Variants in TENM4 observed in about 807,000 individuals in gnomAD.
The protein encoded by TENM4 is teneurin-4.
In TENM4, 82 loss-of-function variants were observed where a neutral mutation model predicts 243.3. The observed-to-expected ratio is 0.34, with a 90% CI of 0.28 to 0.40. The LOEUF (loss-of-function observed/expected upper bound fraction) is 0.40, where lower values mean the gene tolerates loss of function less well. TENM4 is among the 10% of genes least tolerant of loss of function. The pLI is 1.00. For missense variants in TENM4, 3,138 were observed against 3,673.3 expected (o/e 0.85, Z 3.77); for synonymous variants, 1,412 against 1,456.3 (o/e 0.97, Z 0.69).
intron 7 of TENM4, among the ~76,000 whole-genome samples, chr11:78,899,938 C>A (rs1407272534): frequency 1.3e-5 from 2 of 152,184 alleles, no homozygotes; most frequent in Admixed American, 1.3e-4. Flanking sequence ...TCAGGCATTC[C>A]TTTATAGCAA....
At chr11:79,379,252 C>T (rs1260613230) in intron 1 of TENM4, among the ~76,000 whole-genome samples, 1 of 152,138 alleles carries the variant, frequency 6.6e-6, no homozygotes, top group Non-Finnish European at 1.5e-5. Flanking sequence ...GAGAACAGCA[C>T]AAGGAAAGTC....
intron 1 of TENM4, among the ~76,000 whole-genome samples, chr11:79,313,006 A>C (rs1856747171): frequency 6.6e-6 from 1 of 152,148 alleles, no homozygotes; most frequent in Admixed American, 6.5e-5. Flanking sequence ...GCTTCCAGGA[A>C]ACCCCATCCC....
rs1229675854 is a variant in TENM4, at chr11:78,872,091, G to A, written c.1085-8959C>T. 5.3e-5 allele frequency among the ~76,000 whole-genome samples: 8 copies of A among 152,202 alleles called. No homozygotes were observed. In the East Asian group the frequency reaches 5.8e-4, roughly 11 times the overall value. On this transcript the variant is annotated intron_variant, in intron 9 of 33. Coordinates refer to ENST00000278550, the MANE Select transcript of TENM4 (RefSeq NM_001098816.3). The stretch of plus-strand genomic sequence containing the variant: ...TTTAATTTTCTATCTCTAGAAAACC[G>A]AGGATCCAGAATTGTCTACAATTGT...
At chr11:78,890,484 T>C (rs1424850196) in intron 8 of TENM4, among the ~76,000 whole-genome samples, 1 of 152,236 alleles carries the variant, frequency 6.6e-6, no homozygotes, top group African/African-American at 2.4e-5. Flanking sequence ...CTGTTGCCGG[T>C]GTATCTCAAC....
At chr11:79,015,066 T>C (rs2136771701) in intron 6 of TENM4, among the ~76,000 whole-genome samples, 1 of 152,144 alleles carries the variant, frequency 6.6e-6, no homozygotes, top group Admixed American at 6.5e-5. Flanking sequence ...AACATAAATA[T>C]CTCATTAGGC....
At chr11:78,828,380 A>G (rs1168146190) in intron 12 of TENM4, among the ~76,000 whole-genome samples, 1 of 152,220 alleles carries the variant, frequency 6.6e-6, no homozygotes, top group African/African-American at 2.4e-5. Flanking sequence ...TCTTTTCTCT[A>G]GCAAGAGCTG....
At chr11:78,935,702 T>C (rs751390974) in intron 6 of TENM4, among the ~76,000 whole-genome samples, 51 of 152,232 alleles carry the variant, frequency 3.4e-4, no homozygotes, top group Non-Finnish European at 5.6e-4. Context: ...TGCTGTGTTA[T>C]AATGCTGATA....
At chr11:79,246,035 G>A (rs1371063032) in intron 2 of TENM4, among the ~76,000 whole-genome samples, 1 of 150,904 alleles carries the variant, frequency 6.6e-6, no homozygotes, top group Non-Finnish European at 1.5e-5. Context: ...AAAAGAGAGA[G>A]AGAAAGACAA....
At chr11:79,212,356 A>G (rs1198851193) in intron 3 of TENM4, among the ~76,000 whole-genome samples, 4 of 152,168 alleles carry the variant, frequency 2.6e-5, no homozygotes, top group Non-Finnish European at 5.9e-5. Flanking sequence ...TCCTCAAGAC[A>G]CTGATTTGCA....
chr11:78,771,195 C>T, intron 17 of TENM4, 57 bp from the exon 18 acceptor site: 11 of 1,537,408 alleles, frequency 7.2e-6, no homozygotes, highest in Non-Finnish European at 9.7e-6. Flanking sequence ...TGCCATCACA[C>T]ACACTAACAC....
rs1858497789 is a variant in TENM4 at position 79,403,208 on chromosome 11, C to T, written c.-321+37301G>A. On this transcript the variant is annotated intron_variant, in intron 1 of 33. Transcript: ENST00000278550. ...CCACTTGGATAAAGGAAAACACCTA[C>T]TAACCAACGATTCTCCCATGCACAT... 2.0e-5 allele frequency among the ~76,000 whole-genome samples: 3 copies of T among 152,224 alleles called. No homozygotes were observed. The South Asian group carries it at 6.2e-4, about 32-fold the overall frequency.
chr11:79,206,826 A>C (rs568840384), intron 3 of TENM4, among the ~76,000 whole-genome samples: 1 of 152,062 alleles, frequency 6.6e-6, no homozygotes, highest in South Asian at 2.1e-4. Flanking sequence ...CAGCAGCGTG[A>C]AAATGGACTA....
At chr11:79,404,762 A>T (rs1294758871) in intron 1 of TENM4, among the ~76,000 whole-genome samples, 1 of 152,158 alleles carries the variant, frequency 6.6e-6, no homozygotes, top group East Asian at 1.9e-4. Context: ...TTAAGATAAG[A>T]GTTAGTTATG....
rs116898361 is a variant in TENM4, at chr11:79,098,175, T to C, written c.-65-28166A>G. ...GGTCTGGGCTTCCCAGGCCCCTGTA[T>C]CTGCTGCCTTCAAAACCCTGCATGC... On this transcript the variant is annotated intron_variant, in intron 4 of 33. Coordinates refer to ENST00000278550, the MANE Select transcript of TENM4 (RefSeq NM_001098816.3). 0.01 allele frequency among the ~76,000 whole-genome samples: 1,561 copies of C among 152,182 alleles called. 45 individuals are homozygous for C. The East Asian group carries it at 0.11, about 10-fold the overall frequency.
intron 28 of TENM4, among the ~76,000 whole-genome samples, chr11:78,689,820 T>C (rs1439100474): frequency 1.3e-5 from 2 of 152,220 alleles, no homozygotes; most frequent in Non-Finnish European, 2.9e-5. Context: ...CCTGGCACAC[T>C]CTGCCACAGA....
chr11:78,817,075 G>C (rs938909931), intron 12 of TENM4, among the ~76,000 whole-genome samples: 5 of 152,138 alleles, frequency 3.3e-5, no homozygotes, highest in African/African-American at 1.2e-4. Context: ...TGGAGAAAAG[G>C]CATCTAGACA....
intron 4 of TENM4, among the ~76,000 whole-genome samples, chr11:79,099,855 T>C (rs79791816): frequency 2.0e-5 from 3 of 152,204 alleles, no homozygotes; most frequent in African/African-American, 4.8e-5. Context: ...AGCAAACACT[T>C]GTACTGTAAC....
intron 3 of TENM4, among the ~76,000 whole-genome samples, chr11:79,185,889 T>C (rs1238549041): frequency 2.6e-5 from 4 of 152,146 alleles, no homozygotes; most frequent in African/African-American, 9.7e-5. Context: ...ATAACGACAA[T>C]GATGATGATA....
rs1252090549 is a variant in TENM4 at position 78,729,408 on chromosome 11, T to C, written c.3374A>G (p.Asn1125Ser). Reference protein sequence around the residue: ...YFIWDKTDVYNQKVFGLSEAF... With the variant: ...YFIWDKTDVYSQKVFGLSEAF... ...TTCTGAAAGCCCAAACACCTTCTGG[T>C]TGTAGACGTCTGTCTTGTCCCAAAT... The change falls in exon 22 of 34, where the codon AAC (asparagine) becomes AGC (serine). Residue 1125 changes from asparagine (N) to serine (S), a missense_variant. Asn to Ser is a conservative substitution (Grantham distance 46). Around this residue, in one of 2 missense-constraint regions of TENM4, gnomAD observed 2,467 missense variants for 3,059.1 expected, o/e 0.81. Transcript: ENST00000278550. The C allele has an allele frequency of 3.8e-6, 6 of 1,584,970 alleles. No homozygotes were observed. Among genetic ancestry groups the C allele is most frequent in the Non-Finnish European group, 5.2e-6 (6 of 1,164,416 alleles).
Sources: allele counts gnomAD v4.1 joint callset (sites outside exome capture counted in the v4.1 genomes callset), GRCh38; gene constraint gnomAD v4.1.1; regional missense constraint gnomAD v4.1.1; transcripts MANE v1.5; gene names NCBI Gene and HGNC (gene_info 2026-07-23, HGNC 2026-07-21).